SNED1: variants seen among roughly 807,000 people sequenced by gnomAD.
SNED1 encodes sushi, nidogen and EGF like domains 1, also known as sushi, nidogen and EGF-like domain-containing protein 1.
In SNED1, 81 loss-of-function variants were observed where a neutral mutation model predicts 166.7. That is an observed-to-expected ratio of 0.49 (90% CI 0.41 to 0.58). The LOEUF is 0.58. Among genes scored for constraint, SNED1 ranks in the 20% least tolerant of loss-of-function variants. SNED1 has a pLI of 0.00. For synonymous variants in SNED1, 762 were observed against 822.0 expected (o/e 0.93, Z 1.25); for missense variants, 1,604 against 2,000.2 (o/e 0.80, Z 3.78).
chr2:241,076,162 C>T (rs1470018542), intron 27 of SNED1, among the ~76,000 whole-genome samples: 2 of 152,180 alleles, frequency 1.3e-5, no homozygotes, highest in African/African-American at 2.4e-5. Flanking sequence ...AATCTAGTCA[C>T]ACTCTATGGA....
At position 241,051,593 on chromosome 2, in the gene SNED1, C is replaced by T. The variant is rs2061842163; in HGVS notation, c.1736-151C>T. ...CCCCAGCCCCCACCATGTGTGCGGA[C>T]CTGCTTGGCCCCTGCTGCAGCCAGG... On this transcript the variant is annotated intron_variant, in intron 12 of 31. Transcript: ENST00000310397. The surrounding 1 kb of genome is among the most constrained non-coding windows in gnomAD (Gnocchi z 4.7). The T allele has an allele frequency of 6.9e-6, 4 of 579,170 alleles. No homozygotes were observed. Among genetic ancestry groups the T allele is most frequent in the South Asian group, 5.4e-5 (2 of 37,198 alleles). 35.9% of individuals were successfully genotyped at this position (579,170 alleles called of 1,614,324 possible).
At position 241,093,833 on chromosome 2, in the gene SNED1, C is replaced by T. The variant is rs2064207310; in HGVS notation, c.*2197C>T. 6.6e-6 allele frequency: 1 copy of T among 152,414 alleles called. No individual in the cohort carries two copies. Among genetic ancestry groups the T allele is most frequent in the Non-Finnish European group, 1.5e-5 (1 of 68,214 alleles). 9.4% of individuals were successfully genotyped at this position (152,414 alleles called of 1,614,324 possible). On this transcript the variant is annotated 3_prime_UTR_variant, in exon 32 of 32. Coordinates refer to ENST00000310397, the MANE Select transcript of SNED1 (RefSeq NM_001080437.3). ...AACTCAAATGGCTTCCTTGAAAATA[C>T]TCAAAGTCCACCCAAGGAAATTAGT...
intron 17 of SNED1, among the ~76,000 whole-genome samples, 154 bp downstream of exon 17, chr2:241,063,058 A>G (rs761065938): frequency 8.5e-5 from 13 of 152,202 alleles, no homozygotes; most frequent in Non-Finnish European, 1.6e-4. Context: ...TCCAAGACAA[A>G]GATTTTACAA....
intron 12 of SNED1, 88 bp downstream of exon 12, chr2:241,050,021 T>G (rs746635527): frequency 1.0e-6 from 1 of 979,326 alleles, no homozygotes. Flanking sequence ...GTCTCTCTCC[T>G]TGTTTCGCGA....
chr2:241,065,305 T>C lies in SNED1; in HGVS notation c.2720T>C (p.Phe907Ser), dbSNP rs750294191. 1.2e-6 allele frequency: 2 copies of C among 1,612,528 alleles called. No homozygotes were observed. Among genetic ancestry groups the C allele is most frequent in the Admixed American group, 3.3e-5 (2 of 59,994 alleles). The change falls in exon 21 of 32, where the codon TTC becomes TCC. Residue 907 changes from phenylalanine to serine, a missense_variant. Coordinates refer to ENST00000310397, the MANE Select transcript of SNED1 (RefSeq NM_001080437.3). ...YTGEDCAKEL[F>S]PPTALKMERV... is the part of the protein sequence containing the mutation. The stretch of plus-strand genomic sequence containing the variant: ...TTTGACCCAAACCCTGAAGAGCTCT[T>C]CCCACCGACGGCCCTCAAGATGGAG...
Position 241,062,889 on chromosome 2 carries a change from G to T in SNED1, c.2356G>T (p.Ala786Ser). 1.2e-6 allele frequency: 2 copies of T among 1,601,944 alleles called. No individual in the cohort carries two copies. ...LCLCSTGYEG[A>S]HCELERDECR... is the part of the protein sequence containing the mutation. ...CCTCTGCAGCACAGGCTATGAGGGC[G>T]CCCACTGTGAGCTGGGTAAGAGGGG... The change falls in exon 17 of 32, where the codon GCC becomes TCC. Residue 786 changes from alanine to serine, a missense_variant. Transcript: ENST00000310397.
chr2:241,089,505 G>A (rs918630050), intron 31 of SNED1: 50 of 1,409,858 alleles, frequency 3.5e-5, no homozygotes, highest in African/African-American at 8.7e-5. Context: ...CCGGAGCTCC[G>A]CACATGGCAG....
chr2:241,044,143 AAAAG>A (rs147884451), intron 8 of SNED1, among the ~76,000 whole-genome samples: 3 of 152,356 alleles, frequency 2.0e-5, no homozygotes, highest in East Asian at 1.9e-4. Flanking sequence ...AGAGAGGAAA[AAAAG>A]AAAGAAGTGG....
chr2:241,001,582 T>A (rs938967909), intron 1 of SNED1, among the ~76,000 whole-genome samples: 1 of 151,926 alleles, frequency 6.6e-6, no homozygotes, highest in African/African-American at 2.4e-5. Flanking sequence ...TGCTGAGGAG[T>A]GTGGCATGCT....
In SNED1 at chr2:241,082,895, C is replaced by T. The variant is rs188925319; in HGVS notation, c.4121+531C>T. ...CACAGTCCATTTAGTCAACAGATGA[C>T]TTACTGAGCACCTGCTGTGTGCCGG... On this transcript the variant is annotated intron_variant, in intron 29 of 31. Coordinates refer to ENST00000310397, the MANE Select transcript of SNED1 (RefSeq NM_001080437.3). 2.0e-5 allele frequency among the ~76,000 whole-genome samples: 3 copies of T among 152,200 alleles called. No individual in the cohort carries two copies. In the East Asian group the frequency reaches 5.8e-4, roughly 29 times the overall value.
At position 241,067,993 on chromosome 2, in the gene SNED1, TG is replaced by T. The variant is rs773425941; in HGVS notation, c.3194+51del. On this transcript the variant is annotated intron_variant, in intron 22 of 31. Transcript: ENST00000310397. ...CATGGGGCTGGGGTGAAGGCAGGGG[TG>T]GGGGCTCGGGGACACGGGGCCCAGG... 5.0e-6 allele frequency: 6 copies of T among 1,210,776 alleles called. No homozygotes were observed. The African/African-American group carries it at 6.1e-5, about 12-fold the overall frequency. The allele number at this position is 1,210,776 out of a possible 1,614,324, so 75.0% of individuals were successfully genotyped here.
rs2062593551 is a variant in SNED1 at position 241,069,136 on chromosome 2, C to A, written c.3307+113C>A. On this transcript the variant is annotated intron_variant, in intron 23 of 31. Transcript: ENST00000310397. This position sits in a 1 kb window ranked among gnomAD's most constrained non-coding sequence, Gnocchi z 4.9. ...AGCGTCCACAACACCAGAAACCCAG[C>A]CCCTGGCCTCCCAGATGTCTCTTCC... 1.5e-6 allele frequency: 1 copy of A among 676,902 alleles called. No individual in the cohort carries two copies. Among genetic ancestry groups the A allele is most frequent in the Non-Finnish European group, 2.4e-6 (1 of 409,552 alleles). 41.9% of individuals were successfully genotyped at this position (676,902 alleles called of 1,614,324 possible).
chr2:241,079,208 C>G (rs1005734447), intron 27 of SNED1, among the ~76,000 whole-genome samples: 1 of 150,188 alleles, frequency 6.7e-6, no homozygotes, highest in African/African-American at 2.5e-5. Context: ...TTCAGGAGAT[C>G]GAGACCATCC....
In SNED1 at chr2:241,088,490, T is replaced by C. The variant is rs930287978; in HGVS notation, c.*1+88T>C. ...CAGCCCCGGGATCTCAGAGTGCCGC[T>C]GCCTGCTTACTCAGCACTGCTAAAG... On this transcript the variant is annotated intron_variant, in intron 31 of 31. Transcript: ENST00000310397. 3 of 1,077,154 alleles carry C rather than the reference T, an allele frequency of 2.8e-6. No individual in the cohort carries two copies. In the African/African-American group the frequency reaches 4.6e-5, roughly 17 times the overall value. The allele number at this position is 1,077,154 out of a possible 1,614,324, so 66.7% of individuals were successfully genotyped here. A position where few individuals can be genotyped will look rare whatever the true frequency, so the allele number is the denominator to read the frequency against.
chr2:241,072,997 A>AT, intron 26 of SNED1: 1 of 494,284 alleles, frequency 2.0e-6, no homozygotes, highest in Non-Finnish European at 3.6e-6. Context: ...GCCTCTCAGC[A>AT]TGATCAGTGG....
At chr2:241,012,088 C>T (rs899040704) in intron 1 of SNED1, among the ~76,000 whole-genome samples, 21 of 152,202 alleles carry the variant, frequency 1.4e-4, no homozygotes, top group African/African-American at 4.3e-4. Context: ...CTCAGGGCAG[C>T]GGCTCAGGAG....
chr2:241,002,569 G>C (rs1447763755), intron 1 of SNED1, among the ~76,000 whole-genome samples: 3 of 152,148 alleles, frequency 2.0e-5, no homozygotes, highest in Non-Finnish European at 4.4e-5. Flanking sequence ...AATGGGGCTG[G>C]AGTCGAGGAG....
chr2:241,034,504 T>G (rs1574941239), intron 3 of SNED1, 64 bp from the exon 4 acceptor site: 2 of 1,419,302 alleles, frequency 1.4e-6, no homozygotes, highest in Admixed American at 2.0e-5. Flanking sequence ...GGGGGCAGGG[T>G]AACCCCCACC....
At chr2:241,088,477 C>A in intron 31 of SNED1, 75 bp downstream of exon 31, 1 of 1,204,676 alleles carries the variant, frequency 8.3e-7, no homozygotes, top group Non-Finnish European at 1.2e-6. Flanking sequence ...GCCCCGGGAT[C>A]TCAGAGTGCC....
Sources: allele counts gnomAD v4.1 joint callset (sites outside exome capture counted in the v4.1 genomes callset), GRCh38; gene constraint gnomAD v4.1.1; non-coding constraint Gnocchi (gnomAD v3.1); transcripts MANE v1.5; gene names NCBI Gene and HGNC (gene_info 2026-07-23, HGNC 2026-07-21).